Variants in GRID2 observed in about 807,000 individuals in gnomAD.
GRID2 encodes glutamate ionotropic receptor delta type subunit 2, also known as glutamate receptor ionotropic, delta-2.
GRID2 carries 33 observed loss-of-function variants against 114.8 expected under a neutral mutation model. That is an observed-to-expected ratio of 0.29 (90% CI 0.22 to 0.38). GRID2 has a LOEUF of 0.38. GRID2 is among the 10% of genes least tolerant of loss of function. The probability of loss-of-function intolerance (pLI) is 1.00; values close to 1 mark genes in which losing one functional copy is unlikely to be tolerated. For synonymous variants in GRID2, 505 were observed against 449.9 expected (o/e 1.12, Z -1.55); for missense variants, 1,184 against 1,257.7 (o/e 0.94, Z 0.89).
chr4:92,659,734 T>A (rs1354054713), intron 2 of GRID2, among the ~76,000 whole-genome samples: 2 of 151,448 alleles, frequency 1.3e-5, no homozygotes, highest in East Asian at 3.9e-4. Context: ...AATAAATCCA[T>A]TCCTGTGCTA....
chr4:92,354,421 C>G (rs920359585), intron 1 of GRID2, among the ~76,000 whole-genome samples: 2 of 151,962 alleles, frequency 1.3e-5, no homozygotes, highest in Non-Finnish European at 2.9e-5. Flanking sequence ...GCTGATATCA[C>G]TGAAGTCTTC....
At chr4:92,697,954 CTTTT>C (rs564102112) in intron 2 of GRID2, among the ~76,000 whole-genome samples, 11 of 152,034 alleles carry the variant, frequency 7.2e-5, no homozygotes, top group Non-Finnish European at 1.3e-4. Flanking sequence ...GTAGTTGAGT[CTTTT>C]TTTGTTGTTT....
intron 2 of GRID2, among the ~76,000 whole-genome samples, chr4:92,808,142 G>GT (rs746092014): frequency 2.0e-5 from 3 of 151,946 alleles, no homozygotes; most frequent in African/African-American, 4.8e-5. Context: ...AGAAAAGGGT[G>GT]TAAGCTGAGG....
At chr4:93,793,751 G>A (rs1734743391) in intron 1 of GRID2, among the ~76,000 whole-genome samples, 1 of 152,142 alleles carries the variant, frequency 6.6e-6, no homozygotes, top group Non-Finnish European at 1.5e-5. Context: ...TGTACAATGA[G>A]GGGAAGCTAA....
intron 2 of GRID2, among the ~76,000 whole-genome samples, chr4:92,907,416 T>A (rs901714557): frequency 3.3e-5 from 5 of 152,086 alleles, no homozygotes; most frequent in South Asian, 2.1e-4. Flanking sequence ...ATTCCAGTTT[T>A]AAATTTTTTT....
At chr4:92,520,433 A>G (rs1161254893) in intron 1 of GRID2, among the ~76,000 whole-genome samples, 1 of 151,802 alleles carries the variant, frequency 6.6e-6, no homozygotes, top group Middle Eastern at 3.2e-3. Context: ...AACTGTTCAC[A>G]TGGGCATAGC....
At chr4:93,686,085 T>C (rs1726051172) in intron 14 of GRID2, among the ~76,000 whole-genome samples, 1 of 151,990 alleles carries the variant, frequency 6.6e-6, no homozygotes, top group Non-Finnish European at 1.5e-5. Flanking sequence ...CTATTTCTAA[T>C]AGAAACTATC....
chr4:92,681,978 A>G (rs1733672213), intron 2 of GRID2, among the ~76,000 whole-genome samples: 1 of 152,136 alleles, frequency 6.6e-6, no homozygotes, highest in South Asian at 2.1e-4. Flanking sequence ...AAACTTGGAG[A>G]TGTCTTTTAT....
intron 11 of GRID2, among the ~76,000 whole-genome samples, chr4:93,471,725 G>GTTT (rs1724842143): frequency 1.9e-4 from 5 of 25,712 alleles, no homozygotes; most frequent in South Asian, 1.8e-3. Context: ...TGGAGACGGA[G>GTTT]TTTTTGCTCT....
intron 14 of GRID2, among the ~76,000 whole-genome samples, chr4:93,726,575 C>T (rs1729919256): frequency 6.6e-6 from 1 of 152,132 alleles, no homozygotes; most frequent in South Asian, 2.1e-4. Flanking sequence ...TTACCTTGGG[C>T]AGTATGGCCA....
chr4:93,552,791 AC>A (rs1457911692), intron 13 of GRID2, among the ~76,000 whole-genome samples: 7 of 40,948 alleles, frequency 1.7e-4, no homozygotes, highest in African/African-American at 5.2e-4. Flanking sequence ...CCAGCCCCCC[AC>A]CCCCCAATAG....
intron 2 of GRID2, among the ~76,000 whole-genome samples, chr4:92,799,253 A>G (rs1266131382): frequency 1.3e-5 from 2 of 151,860 alleles, no homozygotes; most frequent in African/African-American, 4.8e-5. Flanking sequence ...GATCCTTCTC[A>G]TGCACAGTTT....
intron 13 of GRID2, among the ~76,000 whole-genome samples, chr4:93,619,722 A>G (rs1742036759): frequency 6.6e-6 from 1 of 152,108 alleles, no homozygotes; most frequent in Non-Finnish European, 1.5e-5. Context: ...CCAAATATTC[A>G]TTTTTTCCAA....
chr4:92,579,937 A>T (rs1376828995), intron 1 of GRID2, among the ~76,000 whole-genome samples: 1 of 147,330 alleles, frequency 6.8e-6, no homozygotes, highest in African/African-American at 2.5e-5. Flanking sequence ...ATACATATGT[A>T]TATAATATAT....
At chr4:92,484,632 T>C (rs1395361325) in intron 1 of GRID2, among the ~76,000 whole-genome samples, 1 of 152,048 alleles carries the variant, frequency 6.6e-6, no homozygotes, top group African/African-American at 2.4e-5. Flanking sequence ...AAGAAGAATA[T>C]GGCATAAAAT....
At chr4:92,432,944 G>A (rs1732536686) in intron 1 of GRID2, among the ~76,000 whole-genome samples, 1 of 152,112 alleles carries the variant, frequency 6.6e-6, no homozygotes, top group African/African-American at 2.4e-5. Flanking sequence ...AAGCCCAAGG[G>A]CTCTTTATTC....
chr4:92,566,239 A>C (rs928101689), intron 1 of GRID2, among the ~76,000 whole-genome samples: 2 of 152,040 alleles, frequency 1.3e-5, no homozygotes, highest in Admixed American at 6.6e-5. Context: ...TTTCATGCAT[A>C]GAAAAAAGCT....
At chr4:92,579,474 C>T (rs1728069243) in intron 1 of GRID2, among the ~76,000 whole-genome samples, 1 of 151,978 alleles carries the variant, frequency 6.6e-6, no homozygotes, top group Non-Finnish European at 1.5e-5. Flanking sequence ...CTTTCCCTAA[C>T]ACATTATTCC....
intron 1 of GRID2, among the ~76,000 whole-genome samples, chr4:92,443,787 G>A (rs539004536): frequency 3.9e-5 from 6 of 152,186 alleles, no homozygotes; most frequent in Admixed American, 2.6e-4. Context: ...CAAGGCAGGC[G>A]TCCCTGCGTG....
Sources: allele counts gnomAD v4.1 joint callset (sites outside exome capture counted in the v4.1 genomes callset), GRCh38; gene constraint gnomAD v4.1.1; transcripts MANE v1.5; gene names NCBI Gene and HGNC (gene_info 2026-07-23, HGNC 2026-07-21).